EVI2A: variants seen among roughly 807,000 people sequenced by gnomAD.
The protein encoded by EVI2A is protein EVI2A.
In EVI2A, 11 loss-of-function variants were observed where a neutral mutation model predicts 13.0. The ratio of observed to expected loss-of-function variants is 0.85; its 90% CI spans 0.53 to 1.40. The LOEUF is 1.40. EVI2A is among the 40% of genes most tolerant of loss of function. EVI2A has a pLI of 0.00. For missense variants in EVI2A, 267 were observed against 279.5 expected, an observed-to-expected ratio of 0.96 and a Z score of 0.32; for synonymous variants, 89 against 98.0, an observed-to-expected ratio of 0.91 and a Z score of 0.54.
At position 31,318,935 on chromosome 17, in the gene EVI2A, C is replaced by T; in HGVS notation, c.79G>A (p.Gly27Arg). 1.2e-6 allele frequency: 2 copies of T among 1,613,722 alleles called. No individual in the cohort carries two copies. Among genetic ancestry groups the T allele is most frequent in the Non-Finnish European group, 1.7e-6 (2 of 1,179,902 alleles). ...AGACGGGTATAGTTTGCTTTTGTTC[C>T]AGGAGACAAAGAAAAAACTGTTGTC... Reference protein sequence around the residue: ...LMTTVFSLSPGTKANYTRLWA... With the variant: ...LMTTVFSLSPRTKANYTRLWA... Residue 27 changes from glycine to arginine, a missense_variant, in exon 2 of 2, where the codon GGA becomes AGA. Physicochemically the swap from Gly to Arg is moderately radical, Grantham distance 125. Transcript: ENST00000462804.
chr17:31,320,372 C>T, intron 1 of EVI2A: 1 of 1,574,934 alleles, frequency 6.3e-7, no homozygotes. Context: ...CAGATTCTTA[C>T]CTAGCTAGTA....
chr17:31,319,021 A>C lies in EVI2A; in HGVS notation c.-8T>G, dbSNP rs377502535. The C allele has an allele frequency of 1.9e-6, 3 of 1,588,252 alleles. No homozygotes were observed. The African/African-American group carries it at 4.1e-5, about 22-fold the overall frequency. On this transcript the variant is annotated splice_region_variant and 5_prime_UTR_variant, in exon 2 of 2. It adds an upstream start codon to the 5' untranslated region. Coordinates refer to ENST00000462804, the MANE Select transcript of EVI2A (RefSeq NM_014210.4). Reference sequence around the variant, plus strand: ...TTCCATGTCCGTGGGCATGCTTGGCAATCTGTTGGGATAGCAATATAATTT... The same window carrying C: ...TTCCATGTCCGTGGGCATGCTTGGCCATCTGTTGGGATAGCAATATAATTT...
In EVI2A at chr17:31,318,444, G is replaced by A. The variant is rs202192398; in HGVS notation, c.570C>T (p.Pro190=). The change falls in exon 2 of 2, where the codon CCC becomes CCT. Residue 190 remains proline, a synonymous_variant. Transcript: ENST00000462804. ...NGDFLASGLW[P]AESDTWKRTK... Reference sequence around the variant, plus strand: ...TTCTTTTCCAAGTGTCTGATTCAGCGGGCCATAGACCGCTTGCCAGAAAAT... The same window carrying A: ...TTCTTTTCCAAGTGTCTGATTCAGCAGGCCATAGACCGCTTGCCAGAAAAT... 8 of 1,613,812 alleles carry A rather than the reference G, an allele frequency of 5.0e-6. No homozygotes were observed. The African/African-American group carries it at 6.7e-5, about 13-fold the overall frequency.
In EVI2A at chr17:31,317,083, G is replaced by A. The variant is rs2069039334; in HGVS notation, c.*1220C>T. 6.6e-6 allele frequency among the ~76,000 whole-genome samples: 1 copy of A among 152,080 alleles called. No individual in the cohort carries two copies. Among genetic ancestry groups the A allele is most frequent in the Non-Finnish European group, 1.5e-5 (1 of 68,030 alleles). On this transcript the variant is annotated 3_prime_UTR_variant, in exon 2 of 2. Transcript: ENST00000462804. ...ATCACTAGCTTAGAAGGGAGAGTAA[G>A]ATTGTAGTCATACTTGGGAAAAAAC...
chr17:31,320,244 A>G (rs140403330), intron 1 of EVI2A: 3 of 675,756 alleles, frequency 4.4e-6, no homozygotes, highest in South Asian at 3.2e-5. Flanking sequence ...AAGCAAAACT[A>G]TATTGTTCTC....
intron 1 of EVI2A, 97 bp from the exon 2 acceptor site, chr17:31,319,120 T>A (rs2069109789): frequency 7.7e-7 from 1 of 1,295,478 alleles, no homozygotes; most frequent in Non-Finnish European, 1.1e-6. Flanking sequence ...ATGTTACAAG[T>A]AAACTACAAG....
In EVI2A at chr17:31,317,573, A is replaced by G. The variant is rs1053623745; in HGVS notation, c.*730T>C. 3.3e-5 allele frequency: 5 copies of G among 152,306 alleles called. No homozygotes were observed. The highest frequency in any genetic ancestry group is 1.2e-4 in the African/African-American group (5 of 41,580). 9.4% of individuals were successfully genotyped at this position (152,306 alleles called of 1,614,324 possible). A position where few individuals can be genotyped will look rare whatever the true frequency, so the allele number is the denominator to read the frequency against. On this transcript the variant is annotated 3_prime_UTR_variant, in exon 2 of 2. Transcript: ENST00000462804. ...TTACACTTAGCCTATTGGTGTGGCT[A>G]TAAATCTTATTTATTTTAGTTGTGC... is the stretch of plus-strand genomic sequence containing the variant.
Position 31,320,689 on chromosome 17 carries a change from C to A in EVI2A, c.-11+806G>T, listed in dbSNP as rs3785956. Among the ~76,000 whole-genome samples the A allele has an allele frequency of 0.45, 68,960 of 151,982 alleles. 19,187 individuals carry two copies. The highest frequency in any genetic ancestry group is 0.62 in the Non-Finnish European group (42,099 of 67,930). On this transcript the variant is annotated intron_variant, in intron 1 of 1. Transcript: ENST00000462804. ...TTTTTAGATTATGACCTTTAGTAGA[C>A]AATTAAAGGCCCAAGTCACTGGCTT...
intron 1 of EVI2A, chr17:31,321,061 C>T (rs2069175546): frequency 6.6e-6 from 1 of 152,196 alleles, no homozygotes; most frequent in Non-Finnish European, 1.5e-5. Context: ...CTTGCCCTTA[C>T]AAATGCCTGA....
rs1159409352 is a variant in EVI2A, at chr17:31,318,603, A to G, written c.411T>C (p.Ile137=). ...AAAGCACTGCAATTATAATTAAGCA[A>G]ATTAGCATAGCCATGTTGTTGTTGT... ...AENNNNMAML[I]CLIIIAVLFL... Residue 137 remains isoleucine, a synonymous_variant, in exon 2 of 2, where the codon ATT becomes ATC. Transcript: ENST00000462804. The G allele has an allele frequency of 6.2e-7, 1 of 1,614,088 alleles. No homozygotes were observed. The highest frequency in any genetic ancestry group is 8.5e-7 in the Non-Finnish European group (1 of 1,179,984).
rs1048683470 is a variant in EVI2A at position 31,316,796 on chromosome 17, G to A, written c.*1507C>T. On this transcript the variant is annotated 3_prime_UTR_variant, in exon 2 of 2. Transcript: ENST00000462804. The stretch of plus-strand genomic sequence containing the variant: ...TGGAATAATATTGTTATGATTTCTC[G>A]TTTAGAGAATAGATTTGTTTTTTAC... Among the ~76,000 whole-genome samples, 11 of 152,072 alleles carry A rather than the reference G, an allele frequency of 7.2e-5. No homozygotes were observed. Among genetic ancestry groups the A allele is most frequent in the African/African-American group, 1.9e-4 (8 of 41,402 alleles).
Position 31,317,467 on chromosome 17 carries a change from CTTG to C in EVI2A, c.*833_*835del, listed in dbSNP as rs2069053792. 2 of 151,502 alleles carry C rather than the reference CTTG, an allele frequency of 1.3e-5. No homozygotes were observed. The highest frequency in any genetic ancestry group is 2.4e-5 in the African/African-American group (1 of 41,218). 9.4% of individuals were successfully genotyped at this position (151,502 alleles called of 1,614,324 possible). ...TCCAAAAATTAATCAACCTTTGGTA[CTTG>C]TTGTTAATGTTCCAGTAAGTAGTAT... On this transcript the variant is annotated 3_prime_UTR_variant, in exon 2 of 2. Transcript: ENST00000462804.
At chr17:31,321,126 C>T (rs2069177295) in intron 1 of EVI2A, 1 of 152,166 alleles carries the variant, frequency 6.6e-6, no homozygotes, top group African/African-American at 2.4e-5. Flanking sequence ...GTTGTGTTAT[C>T]AGAAGTTTTC....
At chr17:31,319,359 T>C (rs1567893533) in intron 1 of EVI2A, among the ~76,000 whole-genome samples, 1 of 151,030 alleles carries the variant, frequency 6.6e-6, no homozygotes, top group Non-Finnish European at 1.5e-5. Context: ...CTTTTACTTT[T>C]CTGATTCCTT....
rs1052985292 is a variant in EVI2A at position 31,321,478 on chromosome 17, G to T, written c.-11+17C>A. On this transcript the variant is annotated intron_variant, in intron 1 of 1. Coordinates refer to ENST00000462804, the MANE Select transcript of EVI2A (RefSeq NM_014210.4). ...GAAGTGAAAAGGCATAAGAAAAGCC[G>T]TATATATATGACCTACCTTACAAAA... The T allele has an allele frequency of 6.6e-6, 1 of 152,108 alleles. No individual in the cohort carries two copies. Among genetic ancestry groups the T allele is most frequent in the East Asian group, 1.9e-4 (1 of 5,194 alleles). The allele number at this position is 152,108 out of a possible 1,614,324, so 9.4% of individuals were successfully genotyped here.
rs879074792 is a variant in EVI2A at position 31,317,385 on chromosome 17, A to G, written c.*918T>C. On this transcript the variant is annotated 3_prime_UTR_variant, in exon 2 of 2. Coordinates refer to ENST00000462804, the MANE Select transcript of EVI2A (RefSeq NM_014210.4). ...CAGATTTGAACACACACACACACAC[A>G]CACACACACACACACACACCCCTAA... 2.0e-5 allele frequency among the ~76,000 whole-genome samples: 3 copies of G among 151,632 alleles called. No individual in the cohort carries two copies. The highest frequency in any genetic ancestry group is 2.1e-4 in the South Asian group (1 of 4,774).
Position 31,318,447 on chromosome 17 carries a change from C to T in EVI2A, c.567G>A (p.Trp189Ter). ...TTTTCCAAGTGTCTGATTCAGCGGG[C>T]CATAGACCGCTTGCCAGAAAATCGC... ...SNGDFLASGL[W>*]PAESDTWKRT... is the part of the protein sequence containing the mutation. The change falls in exon 2 of 2, where the codon TGG becomes TGA. Residue 189 changes from tryptophan (W) to a stop codon, truncating the protein, a stop_gained. Coordinates refer to ENST00000462804, the MANE Select transcript of EVI2A (RefSeq NM_014210.4). LOFTEE classifies it high-confidence loss of function. 6.2e-7 allele frequency: 1 copy of T among 1,613,972 alleles called. No individual in the cohort carries two copies. The highest frequency in any genetic ancestry group is 8.5e-7 in the Non-Finnish European group (1 of 1,180,002).
Position 31,318,324 on chromosome 17 carries a change from A to G in EVI2A, c.690T>C (p.Leu230=). Residue 230 remains leucine, a synonymous_variant, in exon 2 of 2, where the codon CTT becomes CTC. Coordinates refer to ENST00000462804, the MANE Select transcript of EVI2A (RefSeq NM_014210.4). ...ERKDEEGTEK[L]TNKQIG Reference sequence around the variant, plus strand: ...TTCACTAACCTATCTGTTTGTTAGTAAGTTTTTCAGTTCCTTCTTCATCTT... The same window carrying G: ...TTCACTAACCTATCTGTTTGTTAGTGAGTTTTTCAGTTCCTTCTTCATCTT... 1 of 1,609,258 alleles carries G rather than the reference A, an allele frequency of 6.2e-7. No individual in the cohort carries two copies. Among genetic ancestry groups the G allele is most frequent in the Admixed American group, 1.7e-5 (1 of 58,558 alleles).
At chr17:31,319,115 A>C in intron 1 of EVI2A, 92 bp from the exon 2 acceptor site, 1 of 1,327,918 alleles carries the variant, frequency 7.5e-7, no homozygotes, top group South Asian at 1.4e-5. Context: ...TTGAGATGTT[A>C]CAAGTAAACT....
Sources: gnomAD v4.1 joint callset for allele counts (sites outside exome capture counted in the v4.1 genomes callset) on GRCh38, gnomAD v4.1.1 for gene constraint, MANE v1.5 for transcripts, NCBI Gene and HGNC (gene_info 2026-07-23, HGNC 2026-07-21) for gene names.